The following FRMD4B variants were observed in gnomAD, a reference collection of about 807,000 sequenced individuals.
FRMD4B encodes FERM domain-containing protein 4B.
A neutral mutation model predicts 141.5 loss-of-function variants in FRMD4B; 74 were observed. The observed-to-expected ratio is 0.52, with a 90% CI of 0.43 to 0.63. The LOEUF (loss-of-function observed/expected upper bound fraction) is 0.63, where lower values mean the gene tolerates loss of function less well. Among genes scored for constraint, FRMD4B ranks in the 30% least tolerant of loss-of-function variants. The pLI is 0.00. For missense variants in FRMD4B, 1,366 were observed against 1,253.4 expected, an observed-to-expected ratio of 1.09 and a Z score of -1.36; for synonymous variants, 506 against 467.9, an observed-to-expected ratio of 1.08 and a Z score of -1.05.
intron 1 of FRMD4B, among the ~76,000 whole-genome samples, chr3:69,496,244 T>C (rs552698889): frequency 1.4e-4 from 22 of 152,350 alleles, no homozygotes; most frequent in African/African-American, 5.3e-4. Context: ...TTATTGTGAA[T>C]GCTTTGAAAT....
chr3:69,246,785 C>T (rs978516285), intron 7 of FRMD4B, among the ~76,000 whole-genome samples: 2 of 152,198 alleles, frequency 1.3e-5, no homozygotes, highest in African/African-American at 4.8e-5. Context: ...CCACTTCAAC[C>T]TCGTGATCAC....
chr3:69,181,744 A>G, intron 20 of FRMD4B, 34 bp from the exon 21 acceptor site: 1 of 1,340,702 alleles, frequency 7.5e-7, no homozygotes, highest in Non-Finnish European at 1.0e-6. Flanking sequence ...TCTCAACACC[A>G]AGAAGAAAAG....
intron 1 of FRMD4B, among the ~76,000 whole-genome samples, chr3:69,503,229 T>C (rs1241565961): frequency 6.6e-6 from 1 of 152,098 alleles, no homozygotes; most frequent in Admixed American, 6.5e-5. Flanking sequence ...TAAAGACATA[T>C]GCACACCTAT....
At chr3:69,540,911 A>G (rs1321604627) in intron 1 of FRMD4B, among the ~76,000 whole-genome samples, 1 of 151,986 alleles carries the variant, frequency 6.6e-6, no homozygotes, top group East Asian at 1.9e-4. Context: ...AAAAGTGCCT[A>G]CCAGGATGCC....
chr3:69,309,304 ATTTTT>A (rs11388064), intron 3 of FRMD4B, among the ~76,000 whole-genome samples: 1 of 136,788 alleles, frequency 7.3e-6, no homozygotes, highest in African/African-American at 2.7e-5. Flanking sequence ...CTGATTTTTA[ATTTTT>A]TTTTTTTTTT....
At chr3:69,331,552 A>G in intron 1 of FRMD4B, among the ~76,000 whole-genome samples, 1 of 152,178 alleles carries the variant, frequency 6.6e-6, no homozygotes, top group Non-Finnish European at 1.5e-5. Context: ...TGTCAGGGTC[A>G]AGAGCACAGA....
chr3:69,195,985 G>T (rs2092899768), intron 14 of FRMD4B, among the ~76,000 whole-genome samples: 1 of 152,128 alleles, frequency 6.6e-6, no homozygotes, highest in African/African-American at 2.4e-5. Context: ...AAAAGCAGCT[G>T]CTGTGGAAAA....
Position 69,511,357 on chromosome 3 carries a change from A to G in FRMD4B, c.-129+30849T>C, listed in dbSNP as rs967606136. ...TGCCTTTGTTTAAAATGTGCCAGCC[A>G]CTATGCTAGGCCCTGAGGATACCTA... On this transcript the variant is annotated intron_variant, in intron 1 of 5. Coordinates refer to the FRMD4B transcript ENST00000459638. Among the ~76,000 whole-genome samples, 3 of 152,294 alleles carry G rather than the reference A, an allele frequency of 2.0e-5. No individual in the cohort carries two copies. In the East Asian group the frequency reaches 5.8e-4, roughly 29 times the overall value.
intron 11 of FRMD4B, among the ~76,000 whole-genome samples, chr3:69,204,293 A>C (rs2093000168): frequency 6.6e-6 from 1 of 152,216 alleles, no homozygotes; most frequent in Non-Finnish European, 1.5e-5. Context: ...GTCTTTTTAA[A>C]TCTTGATGAA....
At chr3:69,409,563 C>A (rs1324908401) in intron 2 of FRMD4B, among the ~76,000 whole-genome samples, 2 of 152,144 alleles carry the variant, frequency 1.3e-5, no homozygotes, top group Non-Finnish European at 2.9e-5. Context: ...TGAGAAAAAT[C>A]TCGATTTTTA....
chr3:69,508,463 G>T (rs996436415), intron 1 of FRMD4B, among the ~76,000 whole-genome samples: 1 of 152,174 alleles, frequency 6.6e-6, no homozygotes. Flanking sequence ...CAACGTGGTT[G>T]CTCCAGCTAT....
intron 1 of FRMD4B, among the ~76,000 whole-genome samples, chr3:69,461,151 T>C (rs943300973): frequency 6.6e-6 from 1 of 152,244 alleles, no homozygotes; most frequent in Non-Finnish European, 1.5e-5. Context: ...TGTCAGTTCT[T>C]TGTAAATGAC....
At chr3:69,184,064 GTTTATTTTT>G (rs907810941) in intron 19 of FRMD4B, among the ~76,000 whole-genome samples, 9 of 151,810 alleles carry the variant, frequency 5.9e-5, no homozygotes, top group African/African-American at 1.2e-4. Context: ...CCTGGCTAAT[GTTTATTTTT>G]TTTATTTTTT....
At chr3:69,294,834 A>G (rs1700987371) in intron 4 of FRMD4B, among the ~76,000 whole-genome samples, 1 of 152,102 alleles carries the variant, frequency 6.6e-6, no homozygotes, top group East Asian at 1.9e-4. Flanking sequence ...AGATGCTTTG[A>G]GAGGGAGTGG....
chr3:69,426,948 A>G (rs1282413409), intron 2 of FRMD4B, among the ~76,000 whole-genome samples: 1 of 152,172 alleles, frequency 6.6e-6, no homozygotes, highest in Admixed American at 6.5e-5. Flanking sequence ...TCAGCCTCAT[A>G]GATTTTGGAA....
intron 7 of FRMD4B, among the ~76,000 whole-genome samples, chr3:69,237,585 T>C (rs1400717282): frequency 6.6e-6 from 1 of 151,948 alleles, no homozygotes; most frequent in Non-Finnish European, 1.5e-5. Context: ...GGTGTGAGCA[T>C]GCATTTCTAG....
chr3:69,182,596 A>C lies in FRMD4B; in HGVS notation c.2039+2T>G, dbSNP rs1273604626. The C allele has an allele frequency of 6.2e-7, 1 of 1,605,540 alleles. No individual in the cohort carries two copies. The highest frequency in any genetic ancestry group is 8.5e-7 in the Non-Finnish European group (1 of 1,177,688). On this transcript the variant is annotated splice_donor_variant, in intron 20 of 22. Transcript: ENST00000398540. LOFTEE classifies it high-confidence loss of function. ...AAAGCAATGAGAAAGAAGCTCTCTT[A>C]CTCCAAGTGGCTGCTGCTGTAGGCG...
At chr3:69,347,113 C>T (rs1702973987) in intron 1 of FRMD4B, among the ~76,000 whole-genome samples, 2 of 151,974 alleles carry the variant, frequency 1.3e-5, no homozygotes. Flanking sequence ...CACACATAGG[C>T]TCAAAATAAA....
At position 69,528,845 on chromosome 3, in the gene FRMD4B, T is replaced by C. The variant is rs556453901; in HGVS notation, c.-129+13361A>G. 2.7e-5 allele frequency among the ~76,000 whole-genome samples: 4 copies of C among 150,768 alleles called. No homozygotes were observed. The East Asian group carries it at 7.8e-4, about 29-fold the overall frequency. ...TAGCCTATTAAGTCACCTATCACCA[T>C]GGTGATACTCACCATGGTGGAAACT... On this transcript the variant is annotated intron_variant, in intron 1 of 5. Transcript: ENST00000459638.
Sources: allele counts gnomAD v4.1 joint callset (sites outside exome capture counted in the v4.1 genomes callset), GRCh38; gene constraint gnomAD v4.1.1; transcripts MANE v1.5; gene names NCBI Gene and HGNC (gene_info 2026-07-23, HGNC 2026-07-21).